Variants in STARD3 observed in about 807,000 individuals in gnomAD.
The protein encoded by STARD3 is StAR related lipid transfer domain containing 3, also known as stAR-related lipid transfer protein 3.
In STARD3, 39 loss-of-function variants were observed where a neutral mutation model predicts 62.0. The ratio of observed to expected loss-of-function variants is 0.63; its 90% confidence interval spans 0.49 to 0.82. The LOEUF is 0.82. STARD3 is among the 40% of genes least tolerant of loss of function. STARD3 has a pLI of 0.00. For missense variants in STARD3, 543 were observed against 584.5 expected (o/e 0.93, Z 0.73); for synonymous variants, 229 against 242.4 (o/e 0.94, Z 0.51).
chr17:39,663,640 C>CT lies in STARD3; in HGVS notation c.*732_*733insT, dbSNP rs1168183579. 9.6e-5 allele frequency among the ~76,000 whole-genome samples: 14 copies of CT among 145,916 alleles called. No individual in the cohort carries two copies. Among genetic ancestry groups the CT allele is most frequent in the African/African-American group, 3.0e-4 (12 of 39,616 alleles). On this transcript the variant is annotated 3_prime_UTR_variant, in exon 15 of 15. Coordinates refer to ENST00000336308, the MANE Select transcript of STARD3 (RefSeq NM_006804.4). ...TGAAACATGCCCCCCATTCCCCCCC[C>CT]GCCCACCCCCCACTCCCCGCTTTCC... is the stretch of plus-strand genomic sequence containing the variant.
At chr17:39,645,229 CCT>C (rs1156764212) in intron 1 of STARD3, among the ~76,000 whole-genome samples, 6 of 152,160 alleles carry the variant, frequency 3.9e-5, no homozygotes, top group Non-Finnish European at 8.8e-5. Context: ...CCAGGACAGT[CCT>C]CTACTTCCTG....
At chr17:39,643,892 G>A (rs993286744) in intron 1 of STARD3, among the ~76,000 whole-genome samples, 1 of 152,236 alleles carries the variant, frequency 6.6e-6, no homozygotes, top group African/African-American at 2.4e-5. Flanking sequence ...AAACCTGCAA[G>A]GAGTAGGTGA....
rs1415178494 is a variant in STARD3 at position 39,663,424 on chromosome 17, G to A, written c.*516G>A. The A allele has an allele frequency of 2.5e-5, 6 of 238,462 alleles. No individual in the cohort carries two copies. Among genetic ancestry groups the A allele is most frequent in the Non-Finnish European group, 4.8e-5 (6 of 124,680 alleles). The allele number at this position is 238,462 out of a possible 1,614,324, so 14.8% of individuals were successfully genotyped here. A position where few individuals can be genotyped will look rare whatever the true frequency, so the allele number is the denominator to read the frequency against. ...CCCAGGCTGTCCCCCTCCTCCCAGGGCCTCCTGGGGGACCTTTGTATTAAG... is the reference window on the plus strand; with the variant it reads ...CCCAGGCTGTCCCCCTCCTCCCAGGACCTCCTGGGGGACCTTTGTATTAAG... On this transcript the variant is annotated 3_prime_UTR_variant, in exon 15 of 15. Coordinates refer to ENST00000336308, the MANE Select transcript of STARD3 (RefSeq NM_006804.4).
At position 39,660,267 on chromosome 17, in the gene STARD3, C is replaced by G. The variant is rs761848052; in HGVS notation, c.852C>G (p.Ile284Met). ...IEVPFHGKTF[I>M]LKTFLPCPAE... ...TTCCCTTTCACGGCAAGACGTTTAT[C>G]CTGAAGGTGAGTGAGGGGAGCGGGT... Residue 284 changes from isoleucine to methionine, a missense_variant, in exon 10 of 15, where the codon ATC becomes ATG. Ile to Met is a conservative substitution (Grantham distance 10). Coordinates refer to ENST00000336308, the MANE Select transcript of STARD3 (RefSeq NM_006804.4). The surrounding 1 kb of genome is among the most constrained non-coding windows in gnomAD (Gnocchi z 4.8). The G allele has an allele frequency of 9.3e-6, 15 of 1,614,052 alleles. No individual in the cohort carries two copies. The highest frequency in any genetic ancestry group is 3.3e-5 in the South Asian group (3 of 91,080).
chr17:39,653,751 G>T lies in STARD3; in HGVS notation c.219+1G>T. On this transcript the variant is annotated splice_donor_variant, in intron 2 of 14. Coordinates refer to ENST00000336308, the MANE Select transcript of STARD3 (RefSeq NM_006804.4). LOFTEE classifies it high-confidence loss of function. ...CCTGCTCTGGATCATCGAACTGAAT[G>T]TGAGTGGGGGCGAGGTGGGGGCACA... 1 of 1,613,984 alleles carries T rather than the reference G, an allele frequency of 6.2e-7. No individual in the cohort carries two copies. The highest frequency in any genetic ancestry group is 8.5e-7 in the Non-Finnish European group (1 of 1,179,992).
rs973690669 is a variant in STARD3 at position 39,653,530 on chromosome 17, G to C, written c.-2G>C. On this transcript the variant is annotated 5_prime_UTR_variant, in exon 2 of 15. Transcript: ENST00000336308. ...CCCGCCCTGAGGTGGGGGCCCACCAGGATGAGCAAGCTGCCCAGGGAGCTG... is the reference window on the plus strand; with the variant it reads ...CCCGCCCTGAGGTGGGGGCCCACCACGATGAGCAAGCTGCCCAGGGAGCTG... 6.2e-7 allele frequency: 1 copy of C among 1,602,084 alleles called. No homozygotes were observed. Among genetic ancestry groups the C allele is most frequent in the South Asian group, 1.1e-5 (1 of 91,060 alleles).
At position 39,663,044 on chromosome 17, in the gene STARD3, C is replaced by A; in HGVS notation, c.*136C>A. 1.2e-6 allele frequency: 1 copy of A among 848,250 alleles called. No individual in the cohort carries two copies. The allele number at this position is 848,250 out of a possible 1,614,324, so 52.5% of individuals were successfully genotyped here. A position where few individuals can be genotyped will look rare whatever the true frequency, so the allele number is the denominator to read the frequency against. ...CACCCTCCACCGAGCCACGCAGTGC[C>A]TGGAGTTGACTGACTGAGCAGGCTG... On this transcript the variant is annotated 3_prime_UTR_variant, in exon 15 of 15. Coordinates refer to ENST00000336308, the MANE Select transcript of STARD3 (RefSeq NM_006804.4).
rs1390402785 is a variant in STARD3 at position 39,662,914 on chromosome 17, C to T, written c.*6C>T. 8 of 1,605,794 alleles carry T rather than the reference C, an allele frequency of 5.0e-6. No individual in the cohort carries two copies. In the Admixed American group the frequency reaches 1.4e-4, roughly 27 times the overall value. Reference sequence around the variant, plus strand: ...AGCTGGGGGCCCGGGCGTGACTGTGCCCCCTCCCACCCTGCGGGCCAGGGT... The same window carrying T: ...AGCTGGGGGCCCGGGCGTGACTGTGTCCCCTCCCACCCTGCGGGCCAGGGT... On this transcript the variant is annotated 3_prime_UTR_variant, in exon 15 of 15. Coordinates refer to ENST00000336308, the MANE Select transcript of STARD3 (RefSeq NM_006804.4).
In STARD3 at chr17:39,660,244, C is replaced by G. The variant is rs1183755592; in HGVS notation, c.829C>G (p.Pro277Ala). Residue 277 changes from proline (P) to alanine (A), a missense_variant, in exon 10 of 15, where the codon CCC becomes GCC. Coordinates refer to ENST00000336308, the MANE Select transcript of STARD3 (RefSeq NM_006804.4). The surrounding 1 kb of genome is among the most constrained non-coding windows in gnomAD (Gnocchi z 4.8). ...YGDTVYTIEV[P>A]FHGKTFILKT... ...GGACACCGTGTACACCATTGAAGTT[C>G]CCTTTCACGGCAAGACGTTTATCCT... The G allele has an allele frequency of 1.2e-6, 2 of 1,614,010 alleles. No homozygotes were observed. Among genetic ancestry groups the G allele is most frequent in the African/African-American group, 1.3e-5 (1 of 74,914 alleles).
In STARD3 at chr17:39,662,814, C is replaced by T; in HGVS notation, c.1244C>T (p.Pro415Leu). ...ILNTDLKGRL[P>L]RYLIHQSLAA... ...CCTGCCTTCCCCCAGGGCCGCCTGC[C>T]CCGGTACCTCATCCACCAGAGCCTC... is the stretch of plus-strand genomic sequence containing the variant. Residue 415 changes from proline (P) to leucine (L), a missense_variant, in exon 15 of 15, where the codon CCC (proline) becomes CTC (leucine). Coordinates refer to ENST00000336308, the MANE Select transcript of STARD3 (RefSeq NM_006804.4). 1 of 1,610,338 alleles carries T rather than the reference C, an allele frequency of 6.2e-7. No individual in the cohort carries two copies.
intron 1 of STARD3, among the ~76,000 whole-genome samples, chr17:39,641,175 C>T (rs1400918335): frequency 6.6e-6 from 1 of 152,198 alleles, no homozygotes; most frequent in Non-Finnish European, 1.5e-5. Context: ...AAACCCACAC[C>T]CTTTCTCCTG....
Position 39,659,514 on chromosome 17 carries a change from CT to C in STARD3, c.758del (p.Leu253TrpfsTer33). ...KEATAVVDQI[L>X]AQEENWKFEK... Reference sequence around the variant, plus strand: ...AGGCCACGGCAGTGGTGGACCAGATCTTGGCCCAGGAAGAGAACTGGAAGTT... The same window carrying C: ...AGGCCACGGCAGTGGTGGACCAGATCTGGCCCAGGAAGAGAACTGGAAGTT... On this transcript the variant is annotated frameshift_variant, in exon 9 of 15. Transcript: ENST00000336308. LOFTEE classifies it high-confidence loss of function. The C allele has an allele frequency of 6.2e-7, 1 of 1,614,168 alleles. No homozygotes were observed. Among genetic ancestry groups the C allele is most frequent in the Non-Finnish European group, 8.5e-7 (1 of 1,180,020 alleles).
chr17:39,647,188 ACT>A (rs2144931821), intron 1 of STARD3, among the ~76,000 whole-genome samples: 2 of 147,882 alleles, frequency 1.4e-5, no homozygotes, highest in Admixed American at 1.3e-4. Flanking sequence ...ACAGAGCGAG[ACT>A]CTGTCTCAAA....
rs765969033 is a variant in STARD3, at chr17:39,660,412, C to T, written c.859-19C>T. On this transcript the variant is annotated intron_variant, in intron 10 of 14. Transcript: ENST00000336308. This position sits in a 1 kb window ranked among gnomAD's most constrained non-coding sequence, Gnocchi z 4.8. ...CGAGCCCATCTGGCACCACCCAGCC[C>T]TCTGCCGCCCTGTCCCAGACCTTCC... is the stretch of plus-strand genomic sequence containing the variant. 6 of 1,613,368 alleles carry T rather than the reference C, an allele frequency of 3.7e-6. No homozygotes were observed. The highest frequency in any genetic ancestry group is 4.2e-6 in the Non-Finnish European group (5 of 1,179,916).
intron 1 of STARD3, among the ~76,000 whole-genome samples, chr17:39,646,301 T>G (rs1418528385): frequency 6.6e-6 from 1 of 152,138 alleles, no homozygotes; most frequent in African/African-American, 2.4e-5. Flanking sequence ...CACCCAGGCT[T>G]GAGTGCAGTG....
intron 1 of STARD3, among the ~76,000 whole-genome samples, chr17:39,649,954 G>A (rs1430068536): frequency 1.3e-5 from 2 of 151,796 alleles, no homozygotes; most frequent in East Asian, 3.9e-4. Context: ...CACTAAAGCT[G>A]TAAGTTACTG....
intron 1 of STARD3, among the ~76,000 whole-genome samples, chr17:39,650,821 A>C (rs545851861): frequency 6.6e-6 from 1 of 152,332 alleles, no homozygotes; most frequent in South Asian, 2.1e-4. Context: ...CTCTAAAAAA[A>C]CAAACAAAAC....
chr17:39,645,386 C>G (rs148114911), intron 1 of STARD3, among the ~76,000 whole-genome samples: 201 of 152,340 alleles, frequency 1.3e-3, no homozygotes, highest in African/African-American at 4.8e-3. Flanking sequence ...GAACCCACGC[C>G]TTTTGGGGTG....
chr17:39,646,335 C>T (rs1238222941), intron 1 of STARD3, among the ~76,000 whole-genome samples: 2 of 152,130 alleles, frequency 1.3e-5, no homozygotes, highest in African/African-American at 4.8e-5. Flanking sequence ...CCACTGCAAC[C>T]TCCACCTCCC....
Sources: gnomAD v4.1 joint callset for allele counts (sites outside exome capture counted in the v4.1 genomes callset) on GRCh38, gnomAD v4.1.1 for gene constraint, Gnocchi (gnomAD v3.1) non-coding constraint, MANE v1.5 for transcripts, NCBI Gene and HGNC (gene_info 2026-07-23, HGNC 2026-07-21) for gene names.